The following C7orf57 variants were observed in gnomAD, a reference collection of about 807,000 sequenced individuals.
The protein encoded by C7orf57 is chromosome 7 open reading frame 57.
In C7orf57, 33 loss-of-function variants were observed where a neutral mutation model predicts 39.0. The observed-to-expected ratio is 0.85, with a 90% CI of 0.64 to 1.13. The LOEUF (loss-of-function observed/expected upper bound fraction) is 1.13, where lower values mean the gene tolerates loss of function less well. Ranked by LOEUF, C7orf57 falls within the 50% of genes most tolerant of loss-of-function variation. The pLI, the probability that C7orf57 is intolerant of heterozygous loss-of-function variation, is 0.00. For synonymous variants in C7orf57, 124 were observed against 137.1 expected (o/e 0.90, Z 0.67); for missense variants, 346 against 362.3 (o/e 0.95, Z 0.37).
chr7:48,052,862 TC>T lies in C7orf57; in HGVS notation c.772del (p.Gln258ArgfsTer41). On this transcript the variant is annotated frameshift_variant, in exon 7 of 9. Transcript: ENST00000348904. LOFTEE classifies it high-confidence loss of function. The part of the protein sequence containing the change: ...LSQSPRDLEG[P>X]QDAARLQDAE... ...CTCAGTCCCCACGAGACCTGGAAGG[TC>T]CCCAGGATGCAGCCAGGCTCCAGGA... 6.2e-7 allele frequency: 1 copy of T among 1,613,816 alleles called. No homozygotes were observed. The highest frequency in any genetic ancestry group is 8.5e-7 in the Non-Finnish European group (1 of 1,179,858).
chr7:48,049,912 G>A lies in C7orf57; in HGVS notation c.540G>A (p.Leu180=), dbSNP rs371928714. The A allele has an allele frequency of 2.5e-5, 41 of 1,613,766 alleles. No individual in the cohort carries two copies. The highest frequency in any genetic ancestry group is 3.3e-4 in the Middle Eastern group (2 of 6,062). ...TACCGGCCATTGACTCAAAGTATCT[G>A]AGCAAAGCAGGCACCCCACTTGGCC... The part of the protein sequence containing the change: ...LRLPAIDSKY[L]SKAGTPLGPK... The change falls in exon 6 of 9, where the codon CTG becomes CTA. Residue 180 remains leucine, a synonymous_variant. Coordinates refer to ENST00000348904, the MANE Select transcript of C7orf57 (RefSeq NM_001100159.3).
At position 48,060,486 on chromosome 7, in the gene C7orf57, C is replaced by G; in HGVS notation, c.*214C>G. Reference sequence around the variant, plus strand: ...TCTGGGATGTGAAACACTTGGCTAACAAACACAACTAAGGCCTCTGGTACC... The same window carrying G: ...TCTGGGATGTGAAACACTTGGCTAAGAAACACAACTAAGGCCTCTGGTACC... On this transcript the variant is annotated 3_prime_UTR_variant, in exon 9 of 9. Coordinates refer to ENST00000348904, the MANE Select transcript of C7orf57 (RefSeq NM_001100159.3). The G allele has an allele frequency of 2.3e-6, 1 of 425,770 alleles. No homozygotes were observed. The allele number at this position is 425,770 out of a possible 1,614,324, so 26.4% of individuals were successfully genotyped here.
At chr7:48,039,270 G>A (rs866937393) in intron 2 of C7orf57, among the ~76,000 whole-genome samples, 2 of 152,300 alleles carry the variant, frequency 1.3e-5, no homozygotes, top group African/African-American at 4.8e-5. Flanking sequence ...GTCATGTGAT[G>A]CTATACTAGA....
chr7:48,053,492 T>A (rs1386105115), intron 7 of C7orf57, among the ~76,000 whole-genome samples: 1 of 152,132 alleles, frequency 6.6e-6, no homozygotes, highest in Non-Finnish European at 1.5e-5. Context: ...TACTCTGTTG[T>A]CCTGGCTGGA....
chr7:48,046,004 T>C (rs767346059), intron 4 of C7orf57, among the ~76,000 whole-genome samples: 2 of 152,194 alleles, frequency 1.3e-5, no homozygotes, highest in Non-Finnish European at 2.9e-5. Context: ...AAAGAAATAA[T>C]TATTTTATAA....
intron 7 of C7orf57, among the ~76,000 whole-genome samples, chr7:48,053,557 T>A (rs985037057): frequency 6.6e-6 from 1 of 152,116 alleles, no homozygotes; most frequent in Admixed American, 6.6e-5. Context: ...GCTCAAGCGA[T>A]CCTCCCATCT....
chr7:48,054,886 AT>A, intron 8 of C7orf57, among the ~76,000 whole-genome samples: 1 of 150,978 alleles, frequency 6.6e-6, no homozygotes, highest in Non-Finnish European at 1.5e-5. Context: ...TATTATTATT[AT>A]TTTTTTTGAG....
intron 4 of C7orf57, 104 bp from the exon 5 acceptor site, chr7:48,046,356 C>T (rs1408630422): frequency 9.7e-7 from 1 of 1,028,194 alleles, no homozygotes; most frequent in East Asian, 2.8e-5. Context: ...AGGAGGGAGA[C>T]AGAAGGAGGG....
rs1292934238 is a variant in C7orf57, at chr7:48,041,473, A to G, written c.195A>G (p.Glu65=). 1 of 1,613,392 alleles carries G rather than the reference A, an allele frequency of 6.2e-7. No individual in the cohort carries two copies. Among genetic ancestry groups the G allele is most frequent in the Non-Finnish European group, 8.5e-7 (1 of 1,179,586 alleles). The change falls in exon 3 of 9, where the codon GAA becomes GAG. Residue 65 remains glutamate (E), a synonymous_variant. Transcript: ENST00000348904. ...LPGTRRYWIK[E]TDSEYVKLAK... ...GGACTCGGAGATACTGGATAAAAGAAACAGATTCGGAATATGTGAAGCTCG... is the reference window on the plus strand; with the variant it reads ...GGACTCGGAGATACTGGATAAAAGAGACAGATTCGGAATATGTGAAGCTCG...
intron 6 of C7orf57, among the ~76,000 whole-genome samples, chr7:48,051,847 CTTT>C (rs1790939948): frequency 6.1e-5 from 4 of 65,868 alleles, no homozygotes; most frequent in African/African-American, 1.7e-4. Flanking sequence ...TTCTTTCTTT[CTTT>C]CTTTCTTTCT....
At chr7:48,051,838 T>C (rs1562630135) in intron 6 of C7orf57, among the ~76,000 whole-genome samples, 964 of 72,188 alleles carry the variant, frequency 0.013, 22 homozygotes, top group South Asian at 0.028. Flanking sequence ...TTTCTTTCTT[T>C]CTTTCTTTCT....
intron 6 of C7orf57, among the ~76,000 whole-genome samples, chr7:48,051,851 CTTTCT>C (rs1180347453): frequency 1.5e-5 from 1 of 65,608 alleles, no homozygotes; most frequent in East Asian, 3.1e-4. Context: ...TTCTTTCTTT[CTTTCT>C]TTCTTTCTTT....
At chr7:48,042,873 T>C (rs1415836215) in intron 3 of C7orf57, among the ~76,000 whole-genome samples, 2 of 151,892 alleles carry the variant, frequency 1.3e-5, no homozygotes, top group Non-Finnish European at 2.9e-5. Context: ...AGTGGGTGAG[T>C]CCGGAGCTGG....
In C7orf57 at chr7:48,052,785, C is replaced by T. The variant is rs530278655; in HGVS notation, c.691C>T (p.Arg231Ter). 9.3e-6 allele frequency: 15 copies of T among 1,613,982 alleles called. No homozygotes were observed. The highest frequency in any genetic ancestry group is 8.3e-5 in the Admixed American group (5 of 60,024). The change falls in exon 7 of 9, where the codon CGA becomes TGA. Residue 231 changes from arginine to a stop codon, truncating the protein, a stop_gained. Transcript: ENST00000348904. LOFTEE classifies it high-confidence loss of function. ...YKDEWLQQQQRADSDKRTPKT... is the reference protein window; with the variant it reads ...YKDEWLQQQQ ...GGATGAGTGGTTGCAGCAGCAGCAG[C>T]GAGCTGACTCAGACAAGAGGACCCC...
chr7:48,046,687 G>A (rs1252708494), intron 5 of C7orf57, 71 bp downstream of exon 5: 3 of 1,508,516 alleles, frequency 2.0e-6, no homozygotes, highest in Non-Finnish European at 2.7e-6. Flanking sequence ...ATTAAGTGCT[G>A]TGATGTTAGC....
chr7:48,059,717 A>G (rs373480916), intron 8 of C7orf57, among the ~76,000 whole-genome samples: 3 of 151,962 alleles, frequency 2.0e-5, no homozygotes, highest in Non-Finnish European at 2.9e-5. Context: ...CTTTATTGCA[A>G]TTTTTTTCAG....
At chr7:48,036,465 G>C (rs972006224) in intron 2 of C7orf57, 102 bp downstream of exon 2, 4 of 1,148,460 alleles carry the variant, frequency 3.5e-6, no homozygotes, top group African/African-American at 1.6e-5. Flanking sequence ...GGGCTGGAGG[G>C]GGGTGTGAAC....
intron 2 of C7orf57, among the ~76,000 whole-genome samples, chr7:48,037,549 T>C (rs1790413011): frequency 6.6e-6 from 1 of 152,182 alleles, no homozygotes; most frequent in Non-Finnish European, 1.5e-5. Flanking sequence ...CTGGGGGATC[T>C]TCAGTTCATC....
At chr7:48,044,311 C>G (rs974015805) in intron 4 of C7orf57, among the ~76,000 whole-genome samples, 2 of 151,980 alleles carry the variant, frequency 1.3e-5, no homozygotes, top group African/African-American at 2.4e-5. Context: ...TGTGCAGTTG[C>G]GAGATTTAAT....
Sources: allele counts gnomAD v4.1 joint callset (sites outside exome capture counted in the v4.1 genomes callset), GRCh38; gene constraint gnomAD v4.1.1; transcripts MANE v1.5; gene names NCBI Gene and HGNC (gene_info 2026-07-23, HGNC 2026-07-21).